The following FAM149A variants were observed in gnomAD, a reference collection of about 807,000 sequenced individuals.
FAM149A encodes family with sequence similarity 149 member A, also known as protein FAM149A.
A neutral mutation model predicts 78.2 loss-of-function variants in FAM149A; 71 were observed. The observed-to-expected ratio is 0.91, with a 90% CI of 0.75 to 1.11. The LOEUF (loss-of-function observed/expected upper bound fraction) is 1.11, where lower values mean the gene tolerates loss of function less well. FAM149A is among the 50% of genes least tolerant of loss of function. The pLI, the probability that FAM149A is intolerant of heterozygous loss-of-function variation, is 0.00. For missense variants in FAM149A, 1,036 were observed against 971.0 expected, an observed-to-expected ratio of 1.07 and a Z score of -0.89; for synonymous variants, 446 against 410.5, an observed-to-expected ratio of 1.09 and a Z score of -1.04.
intron 1 of FAM149A, chr4:186,125,575 G>A (rs1366877036): frequency 1.6e-5 from 8 of 487,486 alleles, no homozygotes; most frequent in African/African-American, 8.4e-5. Flanking sequence ...GGTTTCTCAC[G>A]AGAATTTGCA....
chr4:186,123,966 TAACTA>T (rs2099317154), intron 1 of FAM149A: 1 of 985,262 alleles, frequency 1.0e-6, no homozygotes, highest in Non-Finnish European at 1.2e-6. Context: ...TTTGCCATCT[TAACTA>T]GATAGCTAAA....
rs1042818881 is a variant in FAM149A at position 186,105,084 on chromosome 4, C to G, written c.8C>G (p.Ala3Gly). The change falls in exon 1 of 14, where the codon GCT (alanine) becomes GGT (glycine). Residue 3 changes from alanine to glycine, a missense_variant. By Grantham distance (60) the Ala-to-Gly change is moderately conservative. Around this residue, in one of 3 missense-constraint regions of FAM149A, gnomAD observed 316 missense variants for 241.9 expected, o/e 1.31. Transcript: ENST00000389354. ...CGTGTCCACTGTCGAGGCATGAAGG[C>G]TGCTGTGCTGGACCTTGGGTCTCTC... The G allele has an allele frequency of 1.6e-6, 2 of 1,276,724 alleles. No homozygotes were observed. Among genetic ancestry groups the G allele is most frequent in the Non-Finnish European group, 2.0e-6 (2 of 983,292 alleles). 79.1% of individuals were successfully genotyped at this position (1,276,724 alleles called of 1,614,324 possible).
chr4:186,147,317 G>A (rs1411664465), intron 1 of FAM149A, among the ~76,000 whole-genome samples: 2 of 152,196 alleles, frequency 1.3e-5, no homozygotes, highest in African/African-American at 2.4e-5. Context: ...CCTGGAGGTC[G>A]AGCTTACAGT....
Position 186,166,649 on chromosome 4 carries a change from TAAAAAAAAAAAA to T in FAM149A, c.2011-307_2011-296del, listed in dbSNP as rs76402174. ...CTGGGTGACAGAGCGAGACTCTGTT[TAAAAAAAAAAAA>T]AAAAAAAAAAAGGCAAACATCACAT... On this transcript the variant is annotated intron_variant, in intron 11 of 13. Coordinates refer to ENST00000389354, the MANE Select transcript of FAM149A (RefSeq NM_001367768.3). Among the ~76,000 whole-genome samples the T allele has an allele frequency of 9.1e-3, 960 of 105,074 alleles. 15 individuals carry two copies. The highest frequency in any genetic ancestry group is 0.025 in the Middle Eastern group (3 of 118). 68.9% of individuals were successfully genotyped at this position (105,074 alleles called of 152,430 possible).
chr4:186,138,291 T>C (rs1466570442), intron 1 of FAM149A, among the ~76,000 whole-genome samples: 1 of 152,168 alleles, frequency 6.6e-6, no homozygotes, highest in African/African-American at 2.4e-5. Flanking sequence ...AGAGAGATTT[T>C]TTAAAAATAG....
intron 4 of FAM149A, among the ~76,000 whole-genome samples, chr4:186,152,370 T>C (rs1733650221): frequency 6.6e-6 from 1 of 152,130 alleles, no homozygotes; most frequent in African/African-American, 2.4e-5. Flanking sequence ...CATGTCTGTC[T>C]TCATCACAGA....
In FAM149A at chr4:186,128,662, TATTAA is replaced by T. The variant is rs532813466; in HGVS notation, c.567-20507_567-20503del. On this transcript the variant is annotated intron_variant, in intron 1 of 13. Transcript: ENST00000389354. ...ATGGTTTTTTGAAATTCAAGGTCCA[TATTAA>T]ATTCAGTTTATTTAGAATTAGAGTG... 7.2e-5 allele frequency among the ~76,000 whole-genome samples: 11 copies of T among 152,342 alleles called. No homozygotes were observed. In the East Asian group the frequency reaches 1.7e-3, roughly 24 times the overall value.
In FAM149A at chr4:186,157,633, G is replaced by T. The variant is rs776027022; in HGVS notation, c.1489G>T (p.Ala497Ser). Residue 497 changes from alanine to serine, a missense_variant, in exon 8 of 14, where the codon GCT (alanine) becomes TCT (serine). Physicochemically the swap from Ala to Ser is moderately conservative, Grantham distance 99. Transcript: ENST00000389354. ...ATTTCCGCACGTCCTCGTTCCACAC[G>T]CTCACGCCGATGGAGCCAGTGGCCC... 2 of 1,613,996 alleles carry T rather than the reference G, an allele frequency of 1.2e-6. No homozygotes were observed. The highest frequency in any genetic ancestry group is 2.2e-5 in the East Asian group (1 of 44,888).
At chr4:186,145,370 C>G (rs1278352333) in intron 1 of FAM149A, among the ~76,000 whole-genome samples, 3 of 152,188 alleles carry the variant, frequency 2.0e-5, no homozygotes, top group African/African-American at 7.2e-5. Context: ...GAGCGGCTTC[C>G]CATGGCCACC....
In FAM149A at chr4:186,156,177, A is replaced by C. The variant is rs755439404; in HGVS notation, c.1407A>C (p.Glu469Asp). The change falls in exon 7 of 14, where the codon GAA becomes GAC. Residue 469 changes from glutamate to aspartate, a missense_variant. Physicochemically the swap from Glu to Asp is conservative, Grantham distance 45. This residue lies in a region of FAM149A where 716 missense variants were observed against 711.8 expected (regional missense o/e 1.01). Coordinates refer to ENST00000389354, the MANE Select transcript of FAM149A (RefSeq NM_001367768.3). ...AAGAGCTGATTAGAAAACACTGGGAAACTACACTCACAGGTACTTACATGC... is the reference window on the plus strand; with the variant it reads ...AAGAGCTGATTAGAAAACACTGGGACACTACACTCACAGGTACTTACATGC... 1.2e-6 allele frequency: 2 copies of C among 1,612,478 alleles called. No individual in the cohort carries two copies. The highest frequency in any genetic ancestry group is 1.1e-5 in the South Asian group (1 of 90,632).
chr4:186,118,046 A>G (rs1403999108), intron 1 of FAM149A: 1 of 985,286 alleles, frequency 1.0e-6, no homozygotes, highest in Non-Finnish European at 1.2e-6. Flanking sequence ...GGTCTAGGGA[A>G]ACATCTAGAG....
At position 186,104,856 on chromosome 4, in the gene FAM149A, C is replaced by A; in HGVS notation, c.-221C>A. 1 of 659,204 alleles carries A rather than the reference C, an allele frequency of 1.5e-6. No individual in the cohort carries two copies. The highest frequency in any genetic ancestry group is 1.9e-6 in the Non-Finnish European group (1 of 531,830). 40.8% of individuals were successfully genotyped at this position (659,204 alleles called of 1,614,324 possible). A position where few individuals can be genotyped will look rare whatever the true frequency, so the allele number is the denominator to read the frequency against. On this transcript the variant is annotated 5_prime_UTR_variant, in exon 1 of 14. Transcript: ENST00000389354. ...ACGGCGCTGGGACGAGGCGGGGCTG[C>A]TCTCCGCAGCCGGGGCGCTCGGCGG...
chr4:186,118,676 C>T (rs2150088149), intron 1 of FAM149A, among the ~76,000 whole-genome samples: 1 of 152,078 alleles, frequency 6.6e-6, no homozygotes, highest in South Asian at 2.1e-4. Flanking sequence ...TTTTACTGTC[C>T]TTAAAATACC....
Position 186,127,406 on chromosome 4 carries a change from G to C in FAM149A, c.566+21764G>C, listed in dbSNP as rs895550443. On this transcript the variant is annotated intron_variant, in intron 1 of 13. Transcript: ENST00000389354. ...AACAAGGGGATGCTTTTGACAAAAGGCTTTGTGATGACTGCTTCTGTCACA... is the reference window on the plus strand; with the variant it reads ...AACAAGGGGATGCTTTTGACAAAAGCCTTTGTGATGACTGCTTCTGTCACA... 3.0e-6 allele frequency: 3 copies of C among 985,294 alleles called. No individual in the cohort carries two copies. In the African/African-American group the frequency reaches 5.2e-5, roughly 17 times the overall value. The allele number at this position is 985,294 out of a possible 1,614,324, so 61.0% of individuals were successfully genotyped here. A position where few individuals can be genotyped will look rare whatever the true frequency, so the allele number is the denominator to read the frequency against.
At chr4:186,171,571 C>G (rs1735537411) in intron 13 of FAM149A, among the ~76,000 whole-genome samples, 1 of 152,000 alleles carries the variant, frequency 6.6e-6, no homozygotes, top group Admixed American at 6.5e-5. Context: ...CTTAAAGTAC[C>G]TGGCATTGCA....
At chr4:186,120,935 G>A (rs2099315826) in intron 1 of FAM149A, among the ~76,000 whole-genome samples, 1 of 127,094 alleles carries the variant, frequency 7.9e-6, no homozygotes, top group Non-Finnish European at 1.6e-5. Context: ...CTCGCTGCAA[G>A]CTCCGCCTCC....
intron 1 of FAM149A, chr4:186,110,060 T>C: frequency 1.0e-6 from 1 of 985,416 alleles, no homozygotes; most frequent in Non-Finnish European, 1.2e-6. Flanking sequence ...CCCTGTGATT[T>C]ATATTCACAT....
chr4:186,117,498 G>A lies in FAM149A; in HGVS notation c.566+11856G>A, dbSNP rs147849037. 1.5e-5 allele frequency: 15 copies of A among 985,418 alleles called. No homozygotes were observed. The African/African-American group carries it at 2.3e-4, about 15-fold the overall frequency. 61.0% of individuals were successfully genotyped at this position (985,418 alleles called of 1,614,324 possible). A position where few individuals can be genotyped will look rare whatever the true frequency, so the allele number is the denominator to read the frequency against. The stretch of plus-strand genomic sequence containing the variant: ...GATGCTGAACGAGGGGCGATGTCAG[G>A]GGTCTGAGTTCTAAAGAATGTCCAA... On this transcript the variant is annotated intron_variant, in intron 1 of 13. Coordinates refer to ENST00000389354, the MANE Select transcript of FAM149A (RefSeq NM_001367768.3).
chr4:186,138,775 G>A (rs185010450), intron 1 of FAM149A, among the ~76,000 whole-genome samples: 4 of 152,218 alleles, frequency 2.6e-5, no homozygotes, highest in African/African-American at 9.6e-5. Flanking sequence ...TCATTGCAAG[G>A]GTGCGTGTCA....
Sources: allele counts gnomAD v4.1 joint callset (sites outside exome capture counted in the v4.1 genomes callset), GRCh38; gene constraint gnomAD v4.1.1; regional missense constraint gnomAD v4.1.1; transcripts MANE v1.5; gene names NCBI Gene and HGNC (gene_info 2026-07-23, HGNC 2026-07-21).